PFKL: variants seen among roughly 807,000 people sequenced by gnomAD.
PFKL encodes the protein phosphofructokinase, liver type, also known as ATP-dependent 6-phosphofructokinase, liver type.
In PFKL, 74 loss-of-function variants were observed where a neutral mutation model predicts 92.1. The observed-to-expected ratio is 0.80, with a 90% confidence interval of 0.67 to 0.97. PFKL has a LOEUF of 0.97. Among genes scored for constraint, PFKL ranks in the 50% least tolerant of loss-of-function variants. The pLI, the probability that PFKL is intolerant of heterozygous loss-of-function variation, is 0.00. For missense variants in PFKL, 1,028 were observed against 1,116.6 expected, an observed-to-expected ratio of 0.92 and a Z score of 1.13; for synonymous variants, 494 against 456.4, an observed-to-expected ratio of 1.08 and a Z score of -1.05.
chr21:44,300,535 C>A (rs1381658777), intron 1 of PFKL, among the ~76,000 whole-genome samples: 2 of 152,214 alleles, frequency 1.3e-5, no homozygotes, highest in African/African-American at 2.4e-5. Flanking sequence ...CCCCCAGAGC[C>A]TGGCCCTTCC....
intron 2 of PFKL, among the ~76,000 whole-genome samples, chr21:44,307,520 A>C (rs1377149020): frequency 1.3e-5 from 2 of 151,950 alleles, no homozygotes; most frequent in African/African-American, 2.4e-5. Flanking sequence ...AAAATGTAGC[A>C]ACCCCAGCTC....
intron 7 of PFKL, chr21:44,315,880 C>G (rs542402691): frequency 2.9e-5 from 9 of 315,464 alleles, no homozygotes; most frequent in South Asian, 2.7e-4. Context: ...CCCTGTGCCC[C>G]GTGGAGCTGC....
intron 12 of PFKL, 120 bp from the exon 13 acceptor site, chr21:44,321,609 C>G: frequency 1.0e-6 from 1 of 999,402 alleles, no homozygotes; most frequent in Non-Finnish European, 1.4e-6. Flanking sequence ...TGGGCAGCGT[C>G]CAGGCTGCTG....
Position 44,324,020 on chromosome 21 carries a change from G to A in PFKL, c.1650+102G>A, listed in dbSNP as rs112977221. On this transcript the variant is annotated intron_variant, in intron 16 of 21. Transcript: ENST00000349048. ...GGGGATAGTGTGTGGTGAGCACCTG[G>A]GAGGGCTGCCAGGGTTGGGGTTTGT... 3.8e-5 allele frequency: 53 copies of A among 1,382,086 alleles called. No individual in the cohort carries two copies. The African/African-American group carries it at 6.1e-4, about 16-fold the overall frequency. 85.6% of individuals were successfully genotyped at this position (1,382,086 alleles called of 1,614,324 possible). A position where few individuals can be genotyped will look rare whatever the true frequency, so the allele number is the denominator to read the frequency against.
At chr21:44,304,407 C>A in intron 1 of PFKL, 1 of 1,254,618 alleles carries the variant, frequency 8.0e-7, no homozygotes, top group Non-Finnish European at 1.0e-6. Flanking sequence ...GGCCTGGGTG[C>A]GCTGCTCCTG....
chr21:44,303,503 CT>C (rs1437236783), intron 1 of PFKL, among the ~76,000 whole-genome samples: 1 of 150,556 alleles, frequency 6.6e-6, no homozygotes, highest in African/African-American at 2.5e-5. Context: ...GGCCTGGGCA[CT>C]TTTAATTCTC....
At chr21:44,316,122 T>C in intron 7 of PFKL, 122 bp from the exon 8 acceptor site, 1 of 835,808 alleles carries the variant, frequency 1.2e-6, no homozygotes, top group Non-Finnish European at 2.0e-6. Context: ...TGGGTGGGGA[T>C]TGTGCCCTGG....
intron 3 of PFKL, among the ~76,000 whole-genome samples, chr21:44,311,609 C>T (rs1602014581): frequency 2.6e-5 from 4 of 152,198 alleles, no homozygotes; most frequent in Admixed American, 1.3e-4. Context: ...ATTGTTGGGT[C>T]GCAGGGTCAT....
intron 2 of PFKL, among the ~76,000 whole-genome samples, chr21:44,306,977 A>G (rs1030962365): frequency 2.0e-5 from 3 of 152,192 alleles, no homozygotes; most frequent in African/African-American, 7.2e-5. Context: ...CTGGAGGCTC[A>G]GAGGCTGCAG....
intron 1 of PFKL, chr21:44,304,521 T>TCGGC (rs1249751545): frequency 8.7e-7 from 1 of 1,142,972 alleles, no homozygotes; most frequent in Admixed American, 4.7e-5. Flanking sequence ...AGGCTTAGCT[T>TCGGC]CGGCCAGCTG....
At chr21:44,323,523 A>G (rs1488379063) in intron 15 of PFKL, among the ~76,000 whole-genome samples, 1 of 152,108 alleles carries the variant, frequency 6.6e-6, no homozygotes, top group Non-Finnish European at 1.5e-5. Flanking sequence ...CTGGGGTCAG[A>G]GTGGGTTGGA....
intron 21 of PFKL, 66 bp from the exon 22 acceptor site, chr21:44,326,649 G>A (rs2146037086): frequency 6.5e-7 from 1 of 1,535,588 alleles, no homozygotes; most frequent in East Asian, 2.4e-5. Context: ...GGGGGGCTGG[G>A]GACGTGGCTG....
intron 3 of PFKL, among the ~76,000 whole-genome samples, chr21:44,311,860 C>T (rs1176254876): frequency 6.6e-6 from 1 of 152,222 alleles, no homozygotes; most frequent in Non-Finnish European, 1.5e-5. Flanking sequence ...AAGCCTTCCA[C>T]TCTATTACCT....
chr21:44,300,378 A>C (rs1248209471), intron 1 of PFKL, among the ~76,000 whole-genome samples, 188 bp downstream of exon 1: 1 of 151,450 alleles, frequency 6.6e-6, no homozygotes, highest in African/African-American at 2.4e-5. Context: ...TCTCCGGCCT[A>C]CGTGCGGCCG....
chr21:44,303,282 ATGCC>A (rs2040826639), intron 1 of PFKL, among the ~76,000 whole-genome samples: 1 of 150,384 alleles, frequency 6.6e-6, no homozygotes, highest in African/African-American at 2.5e-5. Context: ...GTGGTGGTAC[ATGCC>A]TGTAGTCCCA....
At position 44,324,882 on chromosome 21, in the gene PFKL, G is replaced by C. The variant is rs1202339494; in HGVS notation, c.1842G>C (p.Lys614Asn). 6.2e-7 allele frequency: 1 copy of C among 1,609,108 alleles called. No homozygotes were observed. Among genetic ancestry groups the C allele is most frequent in the Non-Finnish European group, 8.5e-7 (1 of 1,178,032 alleles). The change falls in exon 18 of 22, where the codon AAG becomes AAC. Residue 614 changes from lysine to asparagine, a missense_variant. By Grantham distance (94) the Lys-to-Asn change is moderately conservative. Transcript: ENST00000349048. The stretch of plus-strand genomic sequence containing the variant: ...TCAACGTGGAGCACATGACGGAGAA[G>C]ATGAAGACAGACATTCAGAGGGGCC... ...LKVNVEHMTE[K>N]MKTDIQRGLV...
intron 2 of PFKL, among the ~76,000 whole-genome samples, chr21:44,307,721 A>AGGCTGGGGTCG: frequency 6.6e-6 from 1 of 151,738 alleles, no homozygotes; most frequent in Admixed American, 6.6e-5. Flanking sequence ...CCCTGTGGCC[A>AGGCTGGGGTCG]GGCTGGGGCC....
intron 2 of PFKL, among the ~76,000 whole-genome samples, chr21:44,310,554 G>GC (rs2047012236): frequency 6.6e-6 from 1 of 152,316 alleles, no homozygotes; most frequent in Admixed American, 6.5e-5. Context: ...CGCACACCCC[G>GC]CCGGCCGCAT....
chr21:44,304,587 C>A, intron 1 of PFKL: 1 of 1,041,592 alleles, frequency 9.6e-7, no homozygotes, highest in Non-Finnish European at 1.2e-6. Context: ...GGGGACAGGG[C>A]GCTGCACTCA....
Sources: gnomAD v4.1 joint callset for allele counts (sites outside exome capture counted in the v4.1 genomes callset) on GRCh38, gnomAD v4.1.1 for gene constraint, MANE v1.5 for transcripts, NCBI Gene and HGNC (gene_info 2026-07-23, HGNC 2026-07-21) for gene names.